Variants in EIF4G2 observed in about 807,000 individuals in gnomAD.
EIF4G2 encodes DAP-5.
Under a neutral mutation model 117.7 loss-of-function variants are expected in EIF4G2, and 8 were observed. The observed-to-expected ratio is 0.07, with a 90% confidence interval of 0.04 to 0.12. The LOEUF is 0.12. Among genes scored for constraint, EIF4G2 ranks in the 10% least tolerant of loss-of-function variants. The pLI is 1.00. For missense variants in EIF4G2, 812 were observed against 1,086.2 expected (o/e 0.75, Z 3.55); for synonymous variants, 413 against 367.8 (o/e 1.12, Z -1.41).
At chr11:10,799,794 A>C (rs1170695374) in intron 18 of EIF4G2, 38 bp from the exon 19 acceptor site, 1 of 1,594,228 alleles carries the variant, frequency 6.3e-7, no homozygotes, top group East Asian at 2.2e-5. Flanking sequence ...CTAATAGTTC[A>C]TTTTACCAAG....
rs1847287083 is a variant in EIF4G2 at position 10,797,281 on chromosome 11, C to T, written c.*535G>A. On this transcript the variant is annotated 3_prime_UTR_variant, in exon 22 of 22. Coordinates refer to ENST00000339995, the MANE Select transcript of EIF4G2 (RefSeq NM_001418.4). The surrounding 1 kb of genome is among the most constrained non-coding windows in gnomAD (Gnocchi z 4.5). ...TGTTTCTTTTAAAAAGACTTGTGCA[C>T]TTGCCCAGGCTCAAGGATATTAAAA... The T allele has an allele frequency of 6.5e-6, 1 of 153,220 alleles. No individual in the cohort carries two copies. Among genetic ancestry groups the T allele is most frequent in the East Asian group, 1.9e-4 (1 of 5,210 alleles). The allele number at this position is 153,220 out of a possible 1,614,324, so 9.5% of individuals were successfully genotyped here. A position where few individuals can be genotyped will look rare whatever the true frequency, so the allele number is the denominator to read the frequency against.
intron 1 of EIF4G2, chr11:10,807,594 C>T (rs2135422673): frequency 8.4e-7 from 1 of 1,195,012 alleles, no homozygotes; most frequent in East Asian, 4.2e-5. Flanking sequence ...CTTCGTAGAA[C>T]ACAAGAGCAT....
chr11:10,802,477 CT>C, intron 11 of EIF4G2, 42 bp from the exon 12 acceptor site: 1 of 1,498,550 alleles, frequency 6.7e-7, no homozygotes, highest in Non-Finnish European at 8.9e-7. Context: ...TCTCTGGACA[CT>C]ATTTCACTTA....
chr11:10,799,090 G>T lies in EIF4G2; in HGVS notation c.2560C>A (p.His854Asn), dbSNP rs2135404195. 1.3e-6 allele frequency: 2 copies of T among 1,577,256 alleles called. No homozygotes were observed. The highest frequency in any genetic ancestry group is 1.7e-6 in the Non-Finnish European group (2 of 1,169,090). ...TCAATAATTTCCATGTCATAGAAGT[G>T]CACAAAAAAGCGAAGTAACATGCCT... Residue 854 changes from histidine (H) to asparagine (N), a missense_variant, in exon 21 of 22, where the codon CAC becomes AAC. Physicochemically the swap from His to Asn is moderately conservative, Grantham distance 68. Coordinates refer to ENST00000339995, the MANE Select transcript of EIF4G2 (RefSeq NM_001418.4).
Position 10,804,291 on chromosome 11 carries a change from C to A in EIF4G2, c.479G>T (p.Ser160Ile), listed in dbSNP as rs1847500756. Residue 160 changes from serine to isoleucine, a missense_variant, in exon 6 of 22, where the codon AGC becomes ATC. Around this residue, in one of 4 missense-constraint regions of EIF4G2, gnomAD observed 154 missense variants for 322.1 expected, o/e 0.48. Transcript: ENST00000339995. ...CAAACAAAAACTACCACTTACGGTG[C>A]TTTGCTTCTGTCCTGGTTGACCCTC... The A allele has an allele frequency of 5.6e-6, 9 of 1,613,678 alleles. No homozygotes were observed. The highest frequency in any genetic ancestry group is 7.6e-6 in the Non-Finnish European group (9 of 1,179,820).
At chr11:10,798,630 C>T (rs1847331175) in intron 21 of EIF4G2, 1 of 166,930 alleles carries the variant, frequency 6.0e-6, no homozygotes, top group Admixed American at 5.8e-5. Flanking sequence ...GTGATCCTCC[C>T]ACCTCAGCCT....
rs1193946549 is a variant in EIF4G2, at chr11:10,805,943, T to C, written c.212A>G (p.Lys71Arg). The C allele has an allele frequency of 6.2e-7, 1 of 1,614,112 alleles. No homozygotes were observed. The highest frequency in any genetic ancestry group is 8.5e-7 in the Non-Finnish European group (1 of 1,180,042). ...CCTGAAGATTGCATCATGTCGTTCT[T>C]TTTCGTTTGCGGAGTTGTTTGCTGC... The change falls in exon 4 of 22, where the codon AAA becomes AGA. Residue 71 changes from lysine to arginine, a missense_variant. Physicochemically the swap from Lys to Arg is conservative, Grantham distance 26 (BLOSUM62 2). Coordinates refer to ENST00000339995, the MANE Select transcript of EIF4G2 (RefSeq NM_001418.4).
intron 3 of EIF4G2, 163 bp downstream of exon 3, chr11:10,806,657 A>G: frequency 1.5e-6 from 1 of 679,730 alleles, no homozygotes; most frequent in Admixed American, 2.9e-5. Context: ...AATTTGGCTA[A>G]GGAATAATCA....
At position 10,804,129 on chromosome 11, in the gene EIF4G2, A is replaced by T; in HGVS notation, c.550+8T>A. 1 of 1,614,216 alleles carries T rather than the reference A, an allele frequency of 6.2e-7. No homozygotes were observed. Among genetic ancestry groups the T allele is most frequent in the Non-Finnish European group, 8.5e-7 (1 of 1,180,030 alleles). ...ACAGTAGTACTTATTATCAGCTATA[A>T]GTCTTACCATCAACATTTCTAGTTC... On this transcript the variant is annotated splice_region_variant and intron_variant, in intron 7 of 21. Transcript: ENST00000339995.
chr11:10,806,906 G>GT (rs746689890), intron 2 of EIF4G2, 21 bp from the exon 3 acceptor site: 19 of 1,611,556 alleles, frequency 1.2e-5, no homozygotes, highest in Admixed American at 1.2e-4. Context: ...GAAAAAAATT[G>GT]TTTACTGTAT....
chr11:10,800,561 A>G lies in EIF4G2; in HGVS notation c.1731T>C (p.Phe577=), dbSNP rs368804669. 56 of 1,614,082 alleles carry G rather than the reference A, an allele frequency of 3.5e-5. No homozygotes were observed. The highest frequency in any genetic ancestry group is 4.7e-5 in the Non-Finnish European group (55 of 1,180,042). The change falls in exon 17 of 22, where the codon TTT becomes TTC. Residue 577 remains phenylalanine, a synonymous_variant. Transcript: ENST00000339995. ...TTACTTTGCTTAACATCTCAGGAAG[A>G]AAGTGTTTAGGAGCCCTCATTTCTC...
In EIF4G2 at chr11:10,805,018, G is replaced by A. The variant is rs375226750; in HGVS notation, c.249-3C>T. On this transcript the variant is annotated splice_polypyrimidine_tract_variant and splice_region_variant and intron_variant, in intron 4 of 21. Transcript: ENST00000339995. ...CAGGAGTAAGCTTATTTAGTATGCT[G>A]GAGAAAAAGGAATTACATTTTAAGT... 38 of 1,606,212 alleles carry A rather than the reference G, an allele frequency of 2.4e-5. No individual in the cohort carries two copies. The highest frequency in any genetic ancestry group is 3.1e-5 in the Non-Finnish European group (36 of 1,173,118).
At position 10,801,957 on chromosome 11, in the gene EIF4G2, A is replaced by G; in HGVS notation, c.1299+92T>C. On this transcript the variant is annotated intron_variant, in intron 13 of 21. Transcript: ENST00000339995. ...TCAAATAAAGTGATGTGATTTTACT[A>G]ATACTTTACTAATCTTAAGGATAAA... 8.4e-6 allele frequency: 4 copies of G among 475,312 alleles called. No homozygotes were observed. In the South Asian group the frequency reaches 2.6e-4, roughly 31 times the overall value. The allele number at this position is 475,312 out of a possible 1,614,324, so 29.4% of individuals were successfully genotyped here. A position where few individuals can be genotyped will look rare whatever the true frequency, so the allele number is the denominator to read the frequency against.
chr11:10,808,580 C>A, intron 1 of EIF4G2, 125 bp downstream of exon 1: 1 of 942,706 alleles, frequency 1.1e-6, no homozygotes, highest in Non-Finnish European at 1.3e-6. Context: ...AGAGGAAATG[C>A]TAAAAAAGGG....
In EIF4G2 at chr11:10,806,038, C is replaced by T. The variant is rs771679103; in HGVS notation, c.117G>A (p.Leu39=). The change falls in exon 4 of 22, where the codon CTG becomes CTA. Residue 39 remains leucine, a synonymous_variant. Transcript: ENST00000339995. Reference sequence around the variant, plus strand: ...GAGCGTTTTGCCCTGGGGTTTTCCCCAGGAACTCGCTGATTAATAAAAATC... The same window carrying T: ...GAGCGTTTTGCCCTGGGGTTTTCCCTAGGAACTCGCTGATTAATAAAAATC... The T allele has an allele frequency of 1.3e-4, 217 of 1,614,112 alleles. No homozygotes were observed. Among genetic ancestry groups the T allele is most frequent in the Non-Finnish European group, 1.7e-4 (206 of 1,180,038 alleles).
At chr11:10,808,015 G>A (rs1366358101) in intron 1 of EIF4G2, 14 of 1,031,080 alleles carry the variant, frequency 1.4e-5, no homozygotes, top group Non-Finnish European at 1.6e-5. Flanking sequence ...CAACCTCCCC[G>A]CGAGGCCCGG....
intron 1 of EIF4G2, chr11:10,807,955 A>G: frequency 2.0e-6 from 2 of 1,020,892 alleles, no homozygotes; most frequent in Non-Finnish European, 2.3e-6. Context: ...TGGGAACAAA[A>G]GAGCGGAGCA....
At position 10,806,917 on chromosome 11, in the gene EIF4G2, C is replaced by G. The variant is rs367954273; in HGVS notation, c.42-32G>C. On this transcript the variant is annotated intron_variant, in intron 2 of 21. Transcript: ENST00000339995. ...AAAAGAAAAAAATTGTTTACTGTAT[C>G]CCAACTATGTCTCACTCAAAAAGAA... 6.9e-6 allele frequency: 11 copies of G among 1,597,362 alleles called. No homozygotes were observed. The African/African-American group carries it at 1.6e-4, about 23-fold the overall frequency.
chr11:10,802,561 A>C, intron 11 of EIF4G2, 126 bp from the exon 12 acceptor site: 1 of 1,307,480 alleles, frequency 7.6e-7, no homozygotes, highest in Non-Finnish European at 1.0e-6. Flanking sequence ...TCTGTAAATA[A>C]CTTCTTCCAA....
Sources: gnomAD v4.1 joint callset for allele counts on GRCh38, gnomAD v4.1.1 for gene constraint, gnomAD v4.1.1 regional missense constraint, Gnocchi (gnomAD v3.1) non-coding constraint, MANE v1.5 for transcripts, NCBI Gene and HGNC (gene_info 2026-07-23, HGNC 2026-07-21) for gene names.